SCD5: variants seen among roughly 807,000 people sequenced by gnomAD.
The protein encoded by SCD5 is acyl-CoA-desaturase 4.
A neutral mutation model predicts 30.4 loss-of-function variants in SCD5; 20 were observed. The ratio of observed to expected loss-of-function variants is 0.66; its 90% CI spans 0.46 to 0.96. The LOEUF is 0.96. Ranked by LOEUF, SCD5 falls within the 40% of genes least tolerant of loss-of-function variation. The pLI, the probability that SCD5 is intolerant of heterozygous loss-of-function variation, is 0.00. For missense variants in SCD5, 381 were observed against 443.3 expected (o/e 0.86, Z 1.26); for synonymous variants, 173 against 176.4 (o/e 0.98, Z 0.16).
chr4:82,726,502 C>T (rs543638240), intron 1 of SCD5, among the ~76,000 whole-genome samples: 2 of 148,980 alleles, frequency 1.3e-5, no homozygotes, highest in South Asian at 2.1e-4. Context: ...TTGAGTTTGC[C>T]GGACACTGAG....
chr4:82,794,977 G>A (rs1312142172), intron 1 of SCD5, among the ~76,000 whole-genome samples: 1 of 152,022 alleles, frequency 6.6e-6, no homozygotes, highest in Non-Finnish European at 1.5e-5. Flanking sequence ...AGTCATGAAC[G>A]CATTGCTGAG....
chr4:82,645,645 A>G (rs1277042524), intron 3 of SCD5, among the ~76,000 whole-genome samples: 6 of 152,182 alleles, frequency 3.9e-5, no homozygotes, highest in Non-Finnish European at 8.8e-5. Context: ...CAAGGAGTCC[A>G]TTTTTACACA....
intron 1 of SCD5, among the ~76,000 whole-genome samples, chr4:82,777,394 A>G (rs1560560689): frequency 6.6e-6 from 1 of 152,232 alleles, no homozygotes. Flanking sequence ...GTTTTGTGAT[A>G]AGAAAGTGAG....
chr4:82,666,502 G>A (rs6535370), intron 3 of SCD5, among the ~76,000 whole-genome samples: 41,287 of 150,006 alleles, frequency 0.28, 6,002 homozygotes, highest in East Asian at 0.39. Flanking sequence ...GAGACAGAGC[G>A]AGACTCCGTC....
At chr4:82,673,465 C>A (rs748983339) in intron 3 of SCD5, among the ~76,000 whole-genome samples, 1 of 151,990 alleles carries the variant, frequency 6.6e-6, no homozygotes, top group Non-Finnish European at 1.5e-5. Flanking sequence ...TGTACAAGAT[C>A]GGTATGAGGA....
At chr4:82,793,017 ACT>A (rs755352317) in intron 1 of SCD5, among the ~76,000 whole-genome samples, 6 of 151,956 alleles carry the variant, frequency 3.9e-5, no homozygotes, top group Non-Finnish European at 8.8e-5. Context: ...GCAAAAGCAC[ACT>A]CTATTCTTTC....
Position 82,798,663 on chromosome 4 carries a change from C to T in SCD5, c.-126G>A. On this transcript the variant is annotated 5_prime_UTR_variant, in exon 1 of 5. Transcript: ENST00000319540. Reference sequence around the variant, plus strand: ...AATTCTCCGCACGTCCAGTCCCCTCCTTCCAGCCCTTCTCCCGGGCTCCTG... The same window carrying T: ...AATTCTCCGCACGTCCAGTCCCCTCTTTCCAGCCCTTCTCCCGGGCTCCTG... The T allele has an allele frequency of 3.9e-6, 3 of 774,804 alleles. No homozygotes were observed. Among genetic ancestry groups the T allele is most frequent in the Non-Finnish European group, 4.0e-6 (2 of 500,058 alleles). 48.0% of individuals were successfully genotyped at this position (774,804 alleles called of 1,614,324 possible).
chr4:82,694,617 G>A (rs1057030956), intron 2 of SCD5, among the ~76,000 whole-genome samples: 5 of 152,022 alleles, frequency 3.3e-5, no homozygotes, highest in Non-Finnish European at 5.9e-5. Context: ...ACTGACGAAT[G>A]TTTGTACCCC....
At chr4:82,666,957 T>C (rs188036088) in intron 3 of SCD5, among the ~76,000 whole-genome samples, 34 of 152,228 alleles carry the variant, frequency 2.2e-4, no homozygotes, top group African/African-American at 8.2e-4. Flanking sequence ...ATAGCAACTA[T>C]AGCAATCTAG....
At chr4:82,717,149 C>T (rs76823839) in intron 1 of SCD5, among the ~76,000 whole-genome samples, 3,532 of 151,816 alleles carry the variant, frequency 0.023, 205 homozygotes, top group African/African-American at 0.079. Flanking sequence ...TAGCATATAA[C>T]AATATTTCAA....
intron 3 of SCD5, among the ~76,000 whole-genome samples, chr4:82,651,471 T>C (rs950548271): frequency 6.7e-6 from 1 of 150,000 alleles, no homozygotes; most frequent in African/African-American, 2.5e-5. Flanking sequence ...GGGGAAAGGG[T>C]GGGGGGTGGT....
At chr4:82,729,253 T>C (rs935835770) in intron 1 of SCD5, among the ~76,000 whole-genome samples, 1 of 152,184 alleles carries the variant, frequency 6.6e-6, no homozygotes, top group African/African-American at 2.4e-5. Context: ...ACGATTCATT[T>C]TGGGATGGAA....
intron 1 of SCD5, among the ~76,000 whole-genome samples, chr4:82,781,756 A>G (rs545753314): frequency 6.6e-6 from 1 of 152,282 alleles, no homozygotes; most frequent in East Asian, 1.9e-4. Flanking sequence ...ATGATGCAAC[A>G]AGAAGGCCCT....
At chr4:82,679,124 A>G (rs936667037) in intron 3 of SCD5, among the ~76,000 whole-genome samples, 4 of 150,388 alleles carry the variant, frequency 2.7e-5, no homozygotes, top group African/African-American at 7.3e-5. Flanking sequence ...GCTTGAACTC[A>G]GGAGGCAGAG....
intron 1 of SCD5, among the ~76,000 whole-genome samples, chr4:82,717,807 T>G (rs933383669): frequency 2.0e-5 from 3 of 151,452 alleles, no homozygotes; most frequent in African/African-American, 4.9e-5. Context: ...TCCCAGATAC[T>G]TGGGAGGGTG....
At chr4:82,709,561 A>G (rs1199651351) in intron 1 of SCD5, among the ~76,000 whole-genome samples, 2 of 152,248 alleles carry the variant, frequency 1.3e-5, no homozygotes, top group Non-Finnish European at 2.9e-5. Flanking sequence ...TTAAAAGATA[A>G]GAAGTCAACT....
intron 1 of SCD5, among the ~76,000 whole-genome samples, chr4:82,763,640 C>G (rs896770945): frequency 4.6e-5 from 7 of 152,196 alleles, no homozygotes; most frequent in African/African-American, 1.7e-4. Context: ...CAGGGGTGTG[C>G]AGGAACAGAG....
chr4:82,784,521 C>A (rs1448117363), intron 1 of SCD5, among the ~76,000 whole-genome samples: 1 of 152,152 alleles, frequency 6.6e-6, no homozygotes, highest in South Asian at 2.1e-4. Context: ...AAATCGTATA[C>A]AACAGCAATT....
chr4:82,787,652 T>C (rs975197867), intron 1 of SCD5, among the ~76,000 whole-genome samples: 3 of 152,108 alleles, frequency 2.0e-5, no homozygotes, highest in African/African-American at 7.2e-5. Context: ...GTGTTGGTAT[T>C]AGGAGGTGGG....
Sources: gnomAD v4.1 joint callset for allele counts (sites outside exome capture counted in the v4.1 genomes callset) on GRCh38, gnomAD v4.1.1 for gene constraint, MANE v1.5 for transcripts, NCBI Gene and HGNC (gene_info 2026-07-23, HGNC 2026-07-21) for gene names.